SNRNP48: variants seen among roughly 807,000 people sequenced by gnomAD.
SNRNP48 encodes the protein U11/U12 small nuclear ribonucleoprotein 48 kDa protein.
In SNRNP48, 43 loss-of-function variants were observed where a neutral mutation model predicts 47.0. The ratio of observed to expected loss-of-function variants is 0.92; its 90% CI spans 0.72 to 1.18. SNRNP48 has a LOEUF of 1.18. Ranked by LOEUF, SNRNP48 falls within the 50% of genes most tolerant of loss-of-function variation. The pLI is 0.00. For missense variants in SNRNP48, 396 were observed against 422.2 expected, an observed-to-expected ratio of 0.94 and a Z score of 0.54; for synonymous variants, 138 against 144.0, an observed-to-expected ratio of 0.96 and a Z score of 0.30.
At chr6:7,595,226 T>G (rs1759883170) in intron 4 of SNRNP48, 125 bp downstream of exon 4, 2 of 765,062 alleles carry the variant, frequency 2.6e-6, no homozygotes, top group Non-Finnish European at 4.0e-6. Flanking sequence ...AAGTTTTACA[T>G]TTAACATTGG....
chr6:7,605,333 A>G (rs1169484970), intron 6 of SNRNP48, 65 bp from the exon 7 acceptor site: 2 of 1,230,088 alleles, frequency 1.6e-6, no homozygotes, highest in African/African-American at 1.5e-5. Context: ...TGATTTTTCT[A>G]GCGTTACAGT....
chr6:7,602,439 T>C (rs936491605), intron 5 of SNRNP48, among the ~76,000 whole-genome samples, 184 bp from the exon 6 acceptor site: 1 of 152,202 alleles, frequency 6.6e-6, no homozygotes, highest in Non-Finnish European at 1.5e-5. Flanking sequence ...GTTCAACTAA[T>C]GGCTGGAGAG....
In SNRNP48 at chr6:7,610,526, CTT is replaced by C. The variant is rs1760214714; in HGVS notation, c.*1654_*1655del. ...TCATATTTTTCATATTGTGTGACAACTTATAATTTTGTTTCAAATTGTGATTT... is the reference window on the plus strand; with the variant it reads ...TCATATTTTTCATATTGTGTGACAACATAATTTTGTTTCAAATTGTGATTT... On this transcript the variant is annotated 3_prime_UTR_variant, in exon 9 of 9. Transcript: ENST00000342415. The C allele has an allele frequency of 6.6e-6, 1 of 152,076 alleles. No homozygotes were observed. Among genetic ancestry groups the C allele is most frequent in the Non-Finnish European group, 1.5e-5 (1 of 68,010 alleles). 9.4% of individuals were successfully genotyped at this position (152,076 alleles called of 1,614,324 possible). A position where few individuals can be genotyped will look rare whatever the true frequency, so the allele number is the denominator to read the frequency against.
chr6:7,598,634 T>TTAATCTTAAATCTTAAAATA (rs1561712910), intron 4 of SNRNP48, among the ~76,000 whole-genome samples: 16 of 152,224 alleles, frequency 1.1e-4, no homozygotes, highest in African/African-American at 3.9e-4. Context: ...AATATCTTAT[T>TTAATCTTAAATCTTAAAATA]GATGTATTTA....
chr6:7,598,121 C>G (rs1401737452), intron 4 of SNRNP48, among the ~76,000 whole-genome samples: 8 of 151,474 alleles, frequency 5.3e-5, no homozygotes, highest in African/African-American at 1.9e-4. Flanking sequence ...CCCACCTTGG[C>G]CTCCCAAAGT....
At chr6:7,593,229 A>C (rs1759849463) in intron 1 of SNRNP48, among the ~76,000 whole-genome samples, 1 of 152,080 alleles carries the variant, frequency 6.6e-6, no homozygotes. Flanking sequence ...CAAATAGAGC[A>C]AGGAAGACAG....
chr6:7,608,062 TTAAA>T (rs1760165137), intron 8 of SNRNP48, among the ~76,000 whole-genome samples: 2 of 152,308 alleles, frequency 1.3e-5, no homozygotes, highest in Admixed American at 6.5e-5. Flanking sequence ...AATCTAAACA[TTAAA>T]TAGTTTTTAT....
In SNRNP48 at chr6:7,606,080, A is replaced by C; in HGVS notation, c.856A>C (p.Ser286Arg). Residue 286 changes from serine (S) to arginine (R), a missense_variant, in exon 8 of 9, where the codon AGC becomes CGC. Coordinates refer to ENST00000342415, the MANE Select transcript of SNRNP48 (RefSeq NM_152551.4). ...AGTAGATTCACGGCAGTCTGGTGGA[A>C]GCTATTTGGATGCTGAGTGTTCACG... Reference protein sequence around the residue: ...ASVDSRQSGGSYLDAECSRHR... With the variant: ...ASVDSRQSGGRYLDAECSRHR... The C allele has an allele frequency of 6.2e-7, 1 of 1,612,504 alleles. No homozygotes were observed. Among genetic ancestry groups the C allele is most frequent in the East Asian group, 2.2e-5 (1 of 44,862 alleles).
rs2113713918 is a variant in SNRNP48 at position 7,593,841 on chromosome 6, A to G, written c.264A>G (p.Glu88=). Residue 88 remains glutamate (E), a synonymous_variant, in exon 2 of 9, where the codon GAA becomes GAG. Coordinates refer to ENST00000342415, the MANE Select transcript of SNRNP48 (RefSeq NM_152551.4). ...TGAGGAAAATGGGCTATACCAAAGA[A>G]GAAGAGGTACCATATATTTACTATA... ...CRLRKMGYTK[E]EEDEMYNPEF... is the part of the protein sequence containing the mutation. 12 of 1,570,798 alleles carry G rather than the reference A, an allele frequency of 7.6e-6. No individual in the cohort carries two copies. The highest frequency in any genetic ancestry group is 1.7e-4 in the Middle Eastern group (1 of 5,894).
intron 6 of SNRNP48, among the ~76,000 whole-genome samples, chr6:7,604,463 A>T (rs1005478321): frequency 9.2e-5 from 14 of 152,208 alleles, no homozygotes; most frequent in Non-Finnish European, 1.8e-4. Context: ...TATCTTATGT[A>T]GGAAAATCCT....
At chr6:7,599,252 C>T (rs1384886096) in intron 4 of SNRNP48, among the ~76,000 whole-genome samples, 1 of 152,004 alleles carries the variant, frequency 6.6e-6, no homozygotes. Flanking sequence ...TTTAAGATCC[C>T]CTTTGATGAC....
chr6:7,598,409 C>G lies in SNRNP48; in HGVS notation c.407-2927C>G, dbSNP rs1212945486. On this transcript the variant is annotated intron_variant, in intron 4 of 8. Coordinates refer to ENST00000342415, the MANE Select transcript of SNRNP48 (RefSeq NM_152551.4). ...ACTCAGGAGGCTGAGGCAGGAGAATCACTTGAACCTGGGAGATGGAGGTTG... is the reference window on the plus strand; with the variant it reads ...ACTCAGGAGGCTGAGGCAGGAGAATGACTTGAACCTGGGAGATGGAGGTTG... 3.3e-5 allele frequency among the ~76,000 whole-genome samples: 5 copies of G among 152,098 alleles called. No individual in the cohort carries two copies. In the South Asian group the frequency reaches 8.3e-4, roughly 25 times the overall value.
chr6:7,608,521 C>T (rs1261089874), intron 8 of SNRNP48, among the ~76,000 whole-genome samples: 1 of 152,074 alleles, frequency 6.6e-6, no homozygotes, highest in African/African-American at 2.4e-5. Context: ...GCCATTTGCG[C>T]TCCAGCCTGG....
chr6:7,608,440 C>T (rs1335189746), intron 8 of SNRNP48, among the ~76,000 whole-genome samples: 1 of 151,938 alleles, frequency 6.6e-6, no homozygotes, highest in African/African-American at 2.4e-5. Context: ...GCCTGAAATC[C>T]AGCTGCTTGG....
intron 4 of SNRNP48, chr6:7,600,068 T>C (rs2113719123): frequency 1.0e-6 from 1 of 998,500 alleles, no homozygotes; most frequent in Non-Finnish European, 1.2e-6. Context: ...GTTTTTATAA[T>C]TTTGTATTAT....
intron 8 of SNRNP48, among the ~76,000 whole-genome samples, chr6:7,608,469 G>A (rs1195558869): frequency 6.6e-6 from 1 of 152,006 alleles, no homozygotes; most frequent in African/African-American, 2.4e-5. Flanking sequence ...GGCAGGAATC[G>A]CTTGAATCCG....
rs1292092917 is a variant in SNRNP48 at position 7,609,415 on chromosome 6, T to A, written c.*542T>A. On this transcript the variant is annotated 3_prime_UTR_variant, in exon 9 of 9. Transcript: ENST00000342415. ...TGTATTGGAGTTAAAAGAAATAATC[T>A]AGATCCATATTAACCTGGATTGGTC... 6.6e-6 allele frequency: 1 copy of A among 152,178 alleles called. No homozygotes were observed. Among genetic ancestry groups the A allele is most frequent in the African/African-American group, 2.4e-5 (1 of 41,446 alleles). 9.4% of individuals were successfully genotyped at this position (152,178 alleles called of 1,614,324 possible). A position where few individuals can be genotyped will look rare whatever the true frequency, so the allele number is the denominator to read the frequency against.
rs1346274743 is a variant in SNRNP48, at chr6:7,590,226, G to A, written c.-32G>A. The A allele has an allele frequency of 1.6e-6, 2 of 1,284,408 alleles. No individual in the cohort carries two copies. The highest frequency in any genetic ancestry group is 3.2e-5 in the South Asian group (1 of 31,136). 79.6% of individuals were successfully genotyped at this position (1,284,408 alleles called of 1,614,324 possible). ...GGCCTGCGCGTGCGGTCTGCAGTTCGGCCGCTTCCTCTTGGCGGGTGGGCT... is the reference window on the plus strand; with the variant it reads ...GGCCTGCGCGTGCGGTCTGCAGTTCAGCCGCTTCCTCTTGGCGGGTGGGCT... On this transcript the variant is annotated 5_prime_UTR_variant, in exon 1 of 9. Transcript: ENST00000342415.
intron 8 of SNRNP48, among the ~76,000 whole-genome samples, 199 bp downstream of exon 8, chr6:7,606,394 A>G (rs1760128634): frequency 6.6e-6 from 1 of 152,216 alleles, no homozygotes; most frequent in African/African-American, 2.4e-5. Context: ...AGATCTCTAC[A>G]TGCGTGATTG....
Sources: allele counts gnomAD v4.1 joint callset (sites outside exome capture counted in the v4.1 genomes callset), GRCh38; gene constraint gnomAD v4.1.1; transcripts MANE v1.5; gene names NCBI Gene and HGNC (gene_info 2026-07-23, HGNC 2026-07-21).